The following TRUB1 variants were observed in gnomAD, a reference collection of about 807,000 sequenced individuals.
The protein encoded by TRUB1 is pseudouridylate synthase TRUB1.
A neutral mutation model predicts 33.9 loss-of-function variants in TRUB1; 23 were observed. The ratio of observed to expected loss-of-function variants is 0.68; its 90% CI spans 0.49 to 0.96. The LOEUF is 0.96. TRUB1 is among the 40% of genes least tolerant of loss of function. The probability of loss-of-function intolerance (pLI) is 0.00; values close to 1 mark genes in which losing one functional copy is unlikely to be tolerated. For synonymous variants in TRUB1, 163 were observed against 165.4 expected (o/e 0.99, Z 0.11); for missense variants, 378 against 422.2 (o/e 0.90, Z 0.92).
At chr10:114,948,431 G>A (rs12269261) in intron 2 of TRUB1, among the ~76,000 whole-genome samples, 46,780 of 151,862 alleles carry the variant, frequency 0.31, 8,164 homozygotes, top group Non-Finnish European at 0.4. Context: ...CTATTATATT[G>A]TTAAATCACA....
Position 114,938,398 on chromosome 10 carries a change from A to T in TRUB1, c.145A>T (p.Arg49Trp). 2 of 1,606,098 alleles carry T rather than the reference A, an allele frequency of 1.2e-6. No homozygotes were observed. Among genetic ancestry groups the T allele is most frequent in the South Asian group, 2.2e-5 (2 of 90,424 alleles). Residue 49 changes from arginine (R) to tryptophan (W), a missense_variant, in exon 1 of 8, where the codon AGG becomes TGG. Physicochemically the swap from Arg to Trp is moderately radical, Grantham distance 101. Transcript: ENST00000298746. ...AAAAVVAAAA[R>W]TGSEARVSKA... ...AGCCGCGGTGGTTGCGGCCGCGGCC[A>T]GGACCGGATCCGAAGCCAGGGTCTC...
intron 4 of TRUB1, among the ~76,000 whole-genome samples, chr10:114,964,169 A>G (rs1366794243): frequency 1.3e-5 from 2 of 152,004 alleles, no homozygotes; most frequent in Non-Finnish European, 2.9e-5. Flanking sequence ...TAGTGTTTTT[A>G]ATTTTGGCTG....
At chr10:114,958,743 C>G (rs1343841655) in intron 3 of TRUB1, among the ~76,000 whole-genome samples, 1 of 152,226 alleles carries the variant, frequency 6.6e-6, no homozygotes, top group Non-Finnish European at 1.5e-5. Flanking sequence ...CCTCACGTAA[C>G]TAAGAATGAT....
chr10:114,955,137 A>G (rs1473226498), intron 3 of TRUB1, among the ~76,000 whole-genome samples: 1 of 152,230 alleles, frequency 6.6e-6, no homozygotes, highest in Non-Finnish European at 1.5e-5. Flanking sequence ...AATACAGTTT[A>G]GGTAAAATTC....
chr10:114,947,312 A>C (rs1216053894), intron 2 of TRUB1, among the ~76,000 whole-genome samples: 1 of 151,602 alleles, frequency 6.6e-6, no homozygotes, highest in Non-Finnish European at 1.5e-5. Flanking sequence ...CACCTCCCCA[A>C]CTATGTGATA....
At chr10:114,959,626 G>A in intron 3 of TRUB1, 100 bp from the exon 4 acceptor site, 1 of 754,328 alleles carries the variant, frequency 1.3e-6, no homozygotes, top group Admixed American at 2.1e-5. Flanking sequence ...TTTTGTATCA[G>A]GTTGGTAGTA....
chr10:114,941,306 A>C (rs939487846), intron 1 of TRUB1, among the ~76,000 whole-genome samples: 1 of 151,908 alleles, frequency 6.6e-6, no homozygotes, highest in African/African-American at 2.4e-5. Context: ...GTCTCCCCAA[A>C]GTACTTTCAA....
Position 114,975,922 on chromosome 10 carries a change from C to G in TRUB1, c.*543C>G, listed in dbSNP as rs967543017. 4 of 152,086 alleles carry G rather than the reference C, an allele frequency of 2.6e-5. No homozygotes were observed. Among genetic ancestry groups the G allele is most frequent in the Non-Finnish European group, 5.9e-5 (4 of 67,978 alleles). 9.4% of individuals were successfully genotyped at this position (152,086 alleles called of 1,614,324 possible). A position where few individuals can be genotyped will look rare whatever the true frequency, so the allele number is the denominator to read the frequency against. ...TAAAATGGCCATCATCTAGTAATAC[C>G]TGTGTTTGTTTAGATCTTGGAAATG... On this transcript the variant is annotated 3_prime_UTR_variant, in exon 8 of 8. Coordinates refer to ENST00000298746, the MANE Select transcript of TRUB1 (RefSeq NM_139169.5).
chr10:114,974,307 T>A, intron 6 of TRUB1, 22 bp from the exon 7 acceptor site: 1 of 1,604,190 alleles, frequency 6.2e-7, no homozygotes, highest in East Asian at 2.2e-5. Flanking sequence ...AGCAATTTAC[T>A]ATGTCACTGT....
Position 114,942,684 on chromosome 10 carries a change from A to G in TRUB1, c.326A>G (p.Lys109Arg). 1 of 1,614,114 alleles carries G rather than the reference A, an allele frequency of 6.2e-7. No homozygotes were observed. The highest frequency in any genetic ancestry group is 8.5e-7 in the Non-Finnish European group (1 of 1,179,980). The change falls in exon 2 of 8, where the codon AAG (lysine) becomes AGG (arginine). Residue 109 changes from lysine (K) to arginine (R), a missense_variant. Lys to Arg is a conservative substitution (Grantham distance 26). Transcript: ENST00000298746. ...MPSPEWTKRK[K>R]QTLKIGHGGT... ...TCTCCAGAATGGACCAAGAGGAAAAAGCAGACTTTGAAAATTGGGCATGGA... is the reference window on the plus strand; with the variant it reads ...TCTCCAGAATGGACCAAGAGGAAAAGGCAGACTTTGAAAATTGGGCATGGA...
At chr10:114,945,740 ATTC>A (rs1405585222) in intron 2 of TRUB1, among the ~76,000 whole-genome samples, 9 of 151,962 alleles carry the variant, frequency 5.9e-5, no homozygotes, top group Non-Finnish European at 1.2e-4. Context: ...GCCCAAGACA[ATTC>A]TTCTTTCATT....
At chr10:114,946,344 A>T (rs2084211185) in intron 2 of TRUB1, among the ~76,000 whole-genome samples, 3 of 151,892 alleles carry the variant, frequency 2.0e-5, no homozygotes, top group Non-Finnish European at 2.9e-5. Context: ...TTTTATTTTT[A>T]TTTATTTATT....
chr10:114,942,511 C>G (rs2084192404), intron 1 of TRUB1, 134 bp from the exon 2 acceptor site: 4 of 597,026 alleles, frequency 6.7e-6, no homozygotes, highest in Non-Finnish European at 1.2e-5. Flanking sequence ...AGGTCATAGT[C>G]TCTTAACATG....
intron 2 of TRUB1, among the ~76,000 whole-genome samples, chr10:114,947,445 A>C (rs988120892): frequency 3.9e-5 from 6 of 152,220 alleles, no homozygotes; most frequent in African/African-American, 1.2e-4. Flanking sequence ...CATTTCAAAA[A>C]AATTTTTTTA....
chr10:114,950,952 G>A (rs1451412702), intron 2 of TRUB1, 142 bp from the exon 3 acceptor site: 3 of 605,586 alleles, frequency 5.0e-6, no homozygotes, highest in Admixed American at 3.0e-5. Flanking sequence ...TGGAGTAATA[G>A]GAGCCCTAAC....
In TRUB1 at chr10:114,972,014, A is replaced by G. The variant is rs2084338857; in HGVS notation, c.597-121A>G. 4.6e-6 allele frequency: 5 copies of G among 1,083,520 alleles called. No homozygotes were observed. In the South Asian group the frequency reaches 7.3e-5, roughly 16 times the overall value. The allele number at this position is 1,083,520 out of a possible 1,614,324, so 67.1% of individuals were successfully genotyped here. A position where few individuals can be genotyped will look rare whatever the true frequency, so the allele number is the denominator to read the frequency against. On this transcript the variant is annotated intron_variant, in intron 5 of 7. Transcript: ENST00000298746. ...TTTTTTAGAAGGATTTTCATTGTGA[A>G]GCACTGCCAGTCATCCTTCCTTTCC... is the stretch of plus-strand genomic sequence containing the variant.
At chr10:114,947,161 C>T (rs946554666) in intron 2 of TRUB1, among the ~76,000 whole-genome samples, 1 of 151,780 alleles carries the variant, frequency 6.6e-6, no homozygotes, top group African/African-American at 2.4e-5. Context: ...TGGGGGCAGC[C>T]TCTAAAAGCT....
chr10:114,967,021 G>C (rs922635968), intron 4 of TRUB1, among the ~76,000 whole-genome samples: 1 of 152,172 alleles, frequency 6.6e-6, no homozygotes, highest in African/African-American at 2.4e-5. Context: ...AAGAGCTTTG[G>C]TAGTATTTCT....
At chr10:114,948,313 G>T (rs1350168546) in intron 2 of TRUB1, among the ~76,000 whole-genome samples, 1 of 152,102 alleles carries the variant, frequency 6.6e-6, no homozygotes, top group African/African-American at 2.4e-5. Flanking sequence ...ACCTTTCCAG[G>T]TTCAGCTGAA....
Sources: allele counts gnomAD v4.1 joint callset (sites outside exome capture counted in the v4.1 genomes callset), GRCh38; gene constraint gnomAD v4.1.1; transcripts MANE v1.5; gene names NCBI Gene and HGNC (gene_info 2026-07-23, HGNC 2026-07-21).